Variants in PLAT observed in about 807,000 individuals in gnomAD.
PLAT encodes tissue-type plasminogen activator.
PLAT carries 48 observed loss-of-function variants against 74.9 expected under a neutral mutation model. The ratio of observed to expected loss-of-function variants is 0.64; its 90% CI spans 0.51 to 0.82. PLAT has a LOEUF of 0.82. PLAT is among the 40% of genes least tolerant of loss of function. PLAT has a pLI of 0.00. For synonymous variants in PLAT, 307 were observed against 294.4 expected (o/e 1.04, Z -0.44); for missense variants, 673 against 736.2 (o/e 0.91, Z 0.99).
intron 3 of PLAT, 54 bp downstream of exon 3, chr8:42,191,318 C>A: frequency 1.3e-6 from 2 of 1,506,416 alleles, no homozygotes; most frequent in Admixed American, 3.3e-5. Flanking sequence ...GCACCCTGCA[C>A]CCCGCCCTGC....
intron 1 of PLAT, among the ~76,000 whole-genome samples, chr8:42,198,362 G>A (rs1805998763): frequency 6.6e-6 from 1 of 152,088 alleles, no homozygotes; most frequent in African/African-American, 2.4e-5. Context: ...CATGGTGGCG[G>A]GCGCCTATAA....
At chr8:42,190,350 G>A (rs181525130) in intron 3 of PLAT, among the ~76,000 whole-genome samples, 5 of 152,130 alleles carry the variant, frequency 3.3e-5, no homozygotes, top group Admixed American at 2.6e-4. Context: ...AAAGAAAATT[G>A]ACATTTTAGA....
chr8:42,187,864 A>T, intron 5 of PLAT, 42 bp downstream of exon 5: 2 of 1,275,862 alleles, frequency 1.6e-6, no homozygotes, highest in Non-Finnish European at 2.3e-6. Flanking sequence ...GAGACTGGAG[A>T]GGTGGGATTT....
In PLAT at chr8:42,181,560, C is replaced by T. The variant is rs143174061; in HGVS notation, c.889+377G>A. ...CTGGAGGTAGGAAGACCACCTCCAC[C>T]ACGCTGTTGGACAAATGTGGTGAAG... On this transcript the variant is annotated intron_variant, in intron 9 of 13. Transcript: ENST00000220809. Among the ~76,000 whole-genome samples the T allele has an allele frequency of 1.6e-3, 242 of 152,286 alleles. 2 individuals are homozygous for T. Among genetic ancestry groups the T allele is most frequent in the African/African-American group, 4.4e-3 (184 of 41,548 alleles).
chr8:42,176,313 A>T (rs1241656525), intron 13 of PLAT, among the ~76,000 whole-genome samples, 162 bp from the exon 14 acceptor site: 1 of 152,226 alleles, frequency 6.6e-6, no homozygotes, highest in African/African-American at 2.4e-5. Flanking sequence ...GAAAACAAAA[A>T]TCAATTCCTG....
chr8:42,183,418 A>G (rs1805328862), intron 7 of PLAT, among the ~76,000 whole-genome samples: 1 of 152,204 alleles, frequency 6.6e-6, no homozygotes, highest in Admixed American at 6.5e-5. Flanking sequence ...GGACATCTTC[A>G]GGTTCAGCAG....
intron 1 of PLAT, among the ~76,000 whole-genome samples, chr8:42,194,794 A>ACCC (rs8178720): frequency 8.2e-6 from 1 of 121,820 alleles, no homozygotes. Flanking sequence ...CTCCACGCCC[A>ACCC]CCCCCCCCAC....
chr8:42,187,333 A>C, intron 6 of PLAT, 65 bp downstream of exon 6: 3 of 1,414,422 alleles, frequency 2.1e-6, no homozygotes, highest in Non-Finnish European at 1.9e-6. Context: ...CGGATCTGAC[A>C]GAATCTTTCC....
intron 3 of PLAT, among the ~76,000 whole-genome samples, chr8:42,190,937 T>C (rs572319454): frequency 6.6e-6 from 1 of 152,280 alleles, no homozygotes; most frequent in South Asian, 2.1e-4. Flanking sequence ...TGTGGTGGGA[T>C]CACAGCCTAG....
intron 1 of PLAT, among the ~76,000 whole-genome samples, chr8:42,206,299 T>C (rs555108412): frequency 9.8e-4 from 150 of 152,298 alleles, no homozygotes; most frequent in African/African-American, 3.5e-3. Flanking sequence ...GATGGAGCTA[T>C]TCATATCTCA....
rs770320752 is a variant in PLAT, at chr8:42,187,420, G to A, written c.517C>T (p.Leu173=). 4 of 1,594,464 alleles carry A rather than the reference G, an allele frequency of 2.5e-6. No individual in the cohort carries two copies. The highest frequency in any genetic ancestry group is 3.4e-5 in the Admixed American group (2 of 59,570). Residue 173 remains leucine (L), a synonymous_variant, in exon 6 of 14, where the codon CTG becomes TTG. Coordinates refer to ENST00000220809, the MANE Select transcript of PLAT (RefSeq NM_000930.5). Reference sequence around the variant, plus strand: ...CACCTGCAGTAGTTGTGGTTCCCCAGGCCCAGCCTGATGGCGTCTGGCCTC... The same window carrying A: ...CACCTGCAGTAGTTGTGGTTCCCCAAGCCCAGCCTGATGGCGTCTGGCCTC... ...GRRPDAIRLG[L]GNHNYCRNPD... is the part of the protein sequence containing the mutation.
chr8:42,183,925 T>C (rs8178769), intron 7 of PLAT, among the ~76,000 whole-genome samples: 15,689 of 151,812 alleles, frequency 0.1, 1,008 homozygotes, highest in East Asian at 0.19. Context: ...CATATATATA[T>C]ACACACACCC....
chr8:42,203,916 G>A (rs1264844680), intron 1 of PLAT, among the ~76,000 whole-genome samples: 4 of 149,362 alleles, frequency 2.7e-5, no homozygotes, highest in Admixed American at 6.7e-5. Context: ...AGTGACCTAC[G>A]ATCACACTGC....
chr8:42,182,644 T>G, intron 8 of PLAT, 75 bp downstream of exon 8: 1 of 1,156,258 alleles, frequency 8.6e-7, no homozygotes, highest in Non-Finnish European at 1.2e-6. Flanking sequence ...ACTTGAGACA[T>G]TGGATCTTCC....
rs765807814 is a variant in PLAT at position 42,176,000 on chromosome 8, C to T, written c.1682G>A (p.Arg561Gln). 8.7e-6 allele frequency: 14 copies of T among 1,613,832 alleles called. No homozygotes were observed. The highest frequency in any genetic ancestry group is 2.2e-5 in the East Asian group (1 of 44,882). ...GGAGTCGGGTGTTCCTGGTCACGGT[C>T]GCATGTTGTCACGAATCCAGTCTAG... ...NYLDWIRDNM[R>Q]P The change falls in exon 14 of 14, where the codon CGA (arginine) becomes CAA (glutamine). Residue 561 changes from arginine (R) to glutamine (Q), a missense_variant. Coordinates refer to ENST00000220809, the MANE Select transcript of PLAT (RefSeq NM_000930.5).
At chr8:42,198,070 C>T (rs995605513) in intron 1 of PLAT, among the ~76,000 whole-genome samples, 7 of 152,174 alleles carry the variant, frequency 4.6e-5, no homozygotes, top group East Asian at 3.9e-4. Context: ...AGGTGGTTCA[C>T]GCCTGTAACC....
chr8:42,203,990 TATACACACACACAC>T (rs1197022545), intron 1 of PLAT, among the ~76,000 whole-genome samples: 1 of 121,104 alleles, frequency 8.3e-6, no homozygotes, highest in Non-Finnish European at 1.6e-5. Flanking sequence ...TATATATATA[TATACACACACACAC>T]ACACACACAC....
intron 1 of PLAT, among the ~76,000 whole-genome samples, chr8:42,198,511 C>G (rs1806004686): frequency 6.6e-6 from 1 of 152,186 alleles, no homozygotes; most frequent in Non-Finnish European, 1.5e-5. Flanking sequence ...AGAAAAGTGA[C>G]TTGCAATAAA....
chr8:42,176,197 A>C (rs1483201363), intron 13 of PLAT, 46 bp from the exon 14 acceptor site: 3 of 1,514,746 alleles, frequency 2.0e-6, no homozygotes, highest in Non-Finnish European at 2.7e-6. Context: ...AAAGCAGACT[A>C]TCTGGAGAAA....
Sources: gnomAD v4.1 joint callset for allele counts (sites outside exome capture counted in the v4.1 genomes callset) on GRCh38, gnomAD v4.1.1 for gene constraint, MANE v1.5 for transcripts, NCBI Gene and HGNC (gene_info 2026-07-23, HGNC 2026-07-21) for gene names.